The following PRDM16 variants were observed in gnomAD, a reference collection of about 807,000 sequenced individuals.
PRDM16 encodes histone-lysine N-methyltransferase PRDM16.
In PRDM16, 23 loss-of-function variants were observed where a neutral mutation model predicts 110.6. The ratio of observed to expected loss-of-function variants is 0.21; its 90% confidence interval spans 0.15 to 0.29. PRDM16 has a LOEUF of 0.29. PRDM16 is among the 10% of genes least tolerant of loss of function. The probability of loss-of-function intolerance (pLI) is 1.00; values close to 1 mark genes in which losing one functional copy is unlikely to be tolerated. For missense variants in PRDM16, 1,615 were observed against 1,794.3 expected, an observed-to-expected ratio of 0.90 and a Z score of 1.81; for synonymous variants, 799 against 781.8, an observed-to-expected ratio of 1.02 and a Z score of -0.37.
At chr1:3,415,586 G>A (rs567903473) in intron 10 of PRDM16, among the ~76,000 whole-genome samples, 9 of 152,380 alleles carry the variant, frequency 5.9e-5, no homozygotes, top group Non-Finnish European at 1.2e-4. Flanking sequence ...AGAGCCACGA[G>A]CCAGCCAGGC....
rs898529403 is a variant in PRDM16 at position 3,289,869 on chromosome 1, G to A, written c.438+45732G>A. ...AGGACCCCACTCCCTCCAGGGCACC[G>A]AGACCCCACTCCTGCCCGGTCACCA... is the stretch of plus-strand genomic sequence containing the variant. On this transcript the variant is annotated intron_variant, in intron 3 of 16. Transcript: ENST00000270722. Among the ~76,000 whole-genome samples, 18 of 148,864 alleles carry A rather than the reference G, an allele frequency of 1.2e-4. 1 individual carries two copies. In the East Asian group the frequency reaches 2.6e-3, roughly 21 times the overall value.
Position 3,433,919 on chromosome 1 carries a change from G to A in PRDM16, c.*108G>A. On this transcript the variant is annotated 3_prime_UTR_variant, in exon 17 of 17. Coordinates refer to ENST00000270722, the MANE Select transcript of PRDM16 (RefSeq NM_022114.4). ...TGTCCCTGCGTGTGGCCACTCCTCA[G>A]CATCCTCCCCACCCACCATGGTTCA... 2 of 1,094,240 alleles carry A rather than the reference G, an allele frequency of 1.8e-6. No homozygotes were observed. Among genetic ancestry groups the A allele is most frequent in the Non-Finnish European group, 2.6e-6 (2 of 769,130 alleles). 67.8% of individuals were successfully genotyped at this position (1,094,240 alleles called of 1,614,324 possible). A position where few individuals can be genotyped will look rare whatever the true frequency, so the allele number is the denominator to read the frequency against.
Position 3,246,637 on chromosome 1 carries a change from C to T in PRDM16, c.438+2500C>T, listed in dbSNP as rs1639796569. ...GCTCCACCAGAGGGGGAGGCTGCCA[C>T]ACAGCACTGCCTGGGCCATCAACTC... On this transcript the variant is annotated intron_variant, in intron 3 of 16. Coordinates refer to ENST00000270722, the MANE Select transcript of PRDM16 (RefSeq NM_022114.4). The surrounding 1 kb of genome is among the most constrained non-coding windows in gnomAD (Gnocchi z 5.2). Among the ~76,000 whole-genome samples, 1 of 152,236 alleles carries T rather than the reference C, an allele frequency of 6.6e-6. No individual in the cohort carries two copies.
chr1:3,391,474 C>G (rs912129190), intron 4 of PRDM16, among the ~76,000 whole-genome samples: 20 of 152,278 alleles, frequency 1.3e-4, no homozygotes, highest in African/African-American at 4.1e-4. Flanking sequence ...CTAGACGAAG[C>G]TATTTAAGAA....
chr1:3,077,053 A>C (rs1641916406), intron 1 of PRDM16, among the ~76,000 whole-genome samples: 1 of 152,190 alleles, frequency 6.6e-6, no homozygotes, highest in Non-Finnish European at 1.5e-5. Context: ...TGACCCCCAC[A>C]GGGCAGGTCT....
intron 2 of PRDM16, among the ~76,000 whole-genome samples, chr1:3,231,819 G>T (rs2100887626): frequency 6.6e-6 from 1 of 152,340 alleles, no homozygotes; most frequent in East Asian, 1.9e-4. Flanking sequence ...CCTTTCACCT[G>T]CCAGGCCTTC....
chr1:3,315,008 G>A (rs962691201), intron 3 of PRDM16, among the ~76,000 whole-genome samples: 1 of 152,090 alleles, frequency 6.6e-6, no homozygotes, highest in Non-Finnish European at 1.5e-5. Context: ...GCATGGCATC[G>A]CTCTGAACAA....
intron 3 of PRDM16, among the ~76,000 whole-genome samples, chr1:3,375,911 GGA>G (rs1642982712): frequency 6.6e-6 from 1 of 152,182 alleles, no homozygotes; most frequent in Non-Finnish European, 1.5e-5. Context: ...AGGGAACGAA[GGA>G]GAGAGAGAGA....
intron 1 of PRDM16, among the ~76,000 whole-genome samples, chr1:3,137,655 G>A (rs544220424): frequency 1.3e-5 from 2 of 152,342 alleles, no homozygotes; most frequent in East Asian, 1.9e-4. Flanking sequence ...CCTTCTCTGC[G>A]GCAAACCCCA....
At chr1:3,385,764 G>C (rs563800126) in intron 4 of PRDM16, among the ~76,000 whole-genome samples, 1 of 152,240 alleles carries the variant, frequency 6.6e-6, no homozygotes, top group African/African-American at 2.4e-5. Flanking sequence ...AGCCTCCGGG[G>C]CCTCTGACCA....
intron 1 of PRDM16, among the ~76,000 whole-genome samples, chr1:3,122,483 C>A (rs1182142930): frequency 6.6e-6 from 1 of 151,992 alleles, no homozygotes; most frequent in African/African-American, 2.4e-5. Context: ...AAATGGACCC[C>A]TTGAAGGTGG....
chr1:3,223,103 C>CTTTTTTTTT (rs1172383270), intron 2 of PRDM16, among the ~76,000 whole-genome samples: 9 of 73,998 alleles, frequency 1.2e-4, no homozygotes, highest in African/African-American at 4.3e-4. Flanking sequence ...AAAATCAAGG[C>CTTTTTTTTT]TTTTTTTTTT....
chr1:3,145,113 G>T (rs1643621084), intron 1 of PRDM16, among the ~76,000 whole-genome samples: 1 of 152,222 alleles, frequency 6.6e-6, no homozygotes, highest in African/African-American at 2.4e-5. Flanking sequence ...GGCTGACCTG[G>T]CAGGTGATCG....
At chr1:3,242,906 T>C (rs1358196355) in intron 2 of PRDM16, among the ~76,000 whole-genome samples, 1 of 152,262 alleles carries the variant, frequency 6.6e-6, no homozygotes, top group Non-Finnish European at 1.5e-5. Flanking sequence ...CGACCGTGCA[T>C]GGCCACTTTG....
chr1:3,411,914 G>T lies in PRDM16; in HGVS notation c.1717G>T (p.Ala573Ser). ...SNSSQGTTAA[A>S]GPEEKFESRL... ...CAGCAGCCAGGGCACGACGGCAGCT[G>T]CGGGGCCCGAGGAGAAGTTCGAGAG... Residue 573 changes from alanine (A) to serine (S), a missense_variant, in exon 9 of 17, where the codon GCG (alanine) becomes TCG (serine). Coordinates refer to ENST00000270722, the MANE Select transcript of PRDM16 (RefSeq NM_022114.4). 3.7e-6 allele frequency: 6 copies of T among 1,613,744 alleles called. No homozygotes were observed. The highest frequency in any genetic ancestry group is 5.1e-6 in the Non-Finnish European group (6 of 1,179,884).
chr1:3,280,654 CAACT>C (rs1426663522), intron 3 of PRDM16, among the ~76,000 whole-genome samples: 2 of 152,218 alleles, frequency 1.3e-5, no homozygotes, highest in East Asian at 3.8e-4. Context: ...ACACTGGCAC[CAACT>C]AAGAACTAAG....
chr1:3,281,941 C>G (rs533980339), intron 3 of PRDM16, among the ~76,000 whole-genome samples: 26 of 152,296 alleles, frequency 1.7e-4, no homozygotes, highest in Middle Eastern at 3.4e-3. Flanking sequence ...GGTGGGCGCC[C>G]GCAGCCCTGG....
intron 12 of PRDM16, among the ~76,000 whole-genome samples, chr1:3,419,209 G>T (rs374933708): frequency 6.6e-6 from 1 of 152,182 alleles, no homozygotes; most frequent in South Asian, 2.1e-4. Flanking sequence ...GTGAGACTCC[G>T]TGCAAATGCG....
intron 1 of PRDM16, among the ~76,000 whole-genome samples, chr1:3,117,378 G>A (rs1198476144): frequency 6.6e-6 from 1 of 152,154 alleles, no homozygotes; most frequent in Non-Finnish European, 1.5e-5. Flanking sequence ...CCAGGGGTTC[G>A]GAGGGTCTCT....
Sources: gnomAD v4.1 joint callset for allele counts (sites outside exome capture counted in the v4.1 genomes callset) on GRCh38, gnomAD v4.1.1 for gene constraint, Gnocchi (gnomAD v3.1) non-coding constraint, MANE v1.5 for transcripts, NCBI Gene and HGNC (gene_info 2026-07-23, HGNC 2026-07-21) for gene names.